TTC17: variants seen among roughly 807,000 people sequenced by gnomAD.
TTC17 encodes tetratricopeptide repeat protein 17.
In TTC17, 58 loss-of-function variants were observed where a neutral mutation model predicts 143.8. The observed-to-expected ratio is 0.40, with a 90% confidence interval of 0.33 to 0.50. TTC17 has a LOEUF of 0.50. Among genes scored for constraint, TTC17 ranks in the 20% least tolerant of loss-of-function variants. TTC17 has a pLI of 0.49. For missense variants in TTC17, 1,273 were observed against 1,392.5 expected, an observed-to-expected ratio of 0.91 and a Z score of 1.37; for synonymous variants, 501 against 497.8, an observed-to-expected ratio of 1.01 and a Z score of -0.09.
At chr11:43,483,394 A>T (rs1342520909) in intron 21 of TTC17, among the ~76,000 whole-genome samples, 2 of 152,036 alleles carry the variant, frequency 1.3e-5, no homozygotes, top group African/African-American at 4.8e-5. Flanking sequence ...ATATATATTT[A>T]TATATGTTGT....
intron 2 of TTC17, among the ~76,000 whole-genome samples, chr11:43,385,002 G>A (rs767936527): frequency 3.3e-5 from 5 of 152,084 alleles, no homozygotes; most frequent in African/African-American, 7.2e-5. Context: ...ATATAATATC[G>A]TATACTTGTA....
intron 1 of TTC17, chr11:43,370,317 G>A (rs1304761615): frequency 8.3e-6 from 2 of 239,556 alleles, no homozygotes; most frequent in African/African-American, 4.5e-5. Context: ...AAACAGAAGG[G>A]TCTCTTAGAC....
At chr11:43,400,107 T>C in intron 9 of TTC17, 59 bp downstream of exon 9, 1 of 1,544,442 alleles carries the variant, frequency 6.5e-7, no homozygotes, top group Admixed American at 1.9e-5. Context: ...TAGCATGCTT[T>C]ACTATCATAA....
intron 19 of TTC17, chr11:43,448,832 A>ATTGTTTTT (rs1947601889): frequency 6.6e-6 from 1 of 151,946 alleles, no homozygotes. Context: ...TTAAAAAATT[A>ATTGTTTTT]TTGTTTTTTT....
intron 1 of TTC17, chr11:43,370,027 A>G: frequency 2.2e-6 from 1 of 450,624 alleles, no homozygotes; most frequent in Non-Finnish European, 4.4e-6. Context: ...ATCTCATACA[A>G]TGAAATGTTT....
At chr11:43,480,877 C>A (rs1400328553) in intron 21 of TTC17, among the ~76,000 whole-genome samples, 5 of 120,062 alleles carry the variant, frequency 4.2e-5, no homozygotes, top group African/African-American at 9.6e-5. Context: ...AAAATCAATA[C>A]AAGAAAATGC....
chr11:43,446,085 T>G, intron 18 of TTC17: 3 of 1,499,020 alleles, frequency 2.0e-6, no homozygotes, highest in South Asian at 1.3e-5. Context: ...AAATTCAAAC[T>G]TCCTAGTGTG....
chr11:43,462,105 A>G (rs1319719449), intron 21 of TTC17, among the ~76,000 whole-genome samples: 1 of 150,978 alleles, frequency 6.6e-6, no homozygotes, highest in African/African-American at 2.4e-5. Flanking sequence ...AAAAAAAAAA[A>G]CGGCTATATA....
intron 3 of TTC17, among the ~76,000 whole-genome samples, chr11:43,390,111 A>G (rs1180464288): frequency 3.3e-5 from 5 of 152,126 alleles, no homozygotes; most frequent in Admixed American, 1.3e-4. Flanking sequence ...GTTTGAGACA[A>G]GGCTGGGCAA....
chr11:43,486,347 T>TCCC, intron 21 of TTC17: 1 of 420,842 alleles, frequency 2.4e-6, no homozygotes, highest in Non-Finnish European at 4.9e-6. Context: ...GTGTAGAAGC[T>TCCC]CCCTGCCTGT....
rs1947482303 is a variant in TTC17 at position 43,444,001 on chromosome 11, A to G, written c.2512-55A>G. 2.0e-6 allele frequency: 3 copies of G among 1,531,834 alleles called. No individual in the cohort carries two copies. In the East Asian group the frequency reaches 6.8e-5, roughly 35 times the overall value. 94.9% of individuals were successfully genotyped at this position (1,531,834 alleles called of 1,614,324 possible). On this transcript the variant is annotated intron_variant, in intron 17 of 23. Transcript: ENST00000039989. ...ATTCTTAAACTAGTATTCACAAATC[A>G]TTGACAGATTTGATCACTGGTCTCA... is the stretch of plus-strand genomic sequence containing the variant.
At chr11:43,388,904 A>C (rs1335291867) in intron 2 of TTC17, among the ~76,000 whole-genome samples, 2 of 151,064 alleles carry the variant, frequency 1.3e-5, no homozygotes, top group Non-Finnish European at 1.5e-5. Context: ...TGAGCCCTGG[A>C]GTTTGAGGTT....
chr11:43,398,155 G>T (rs372213741), intron 8 of TTC17, 42 bp downstream of exon 8: 5 of 1,608,354 alleles, frequency 3.1e-6, no homozygotes, highest in Non-Finnish European at 4.2e-6. Context: ...TAGCACTATC[G>T]AACCTTAGGT....
At chr11:43,491,992 C>T (rs199553072) in intron 22 of TTC17, 28 bp from the exon 23 acceptor site, 71 of 1,609,742 alleles carry the variant, frequency 4.4e-5, no homozygotes, top group Non-Finnish European at 5.6e-5. Flanking sequence ...CCAATTTTCC[C>T]TTCTCACCAT....
intron 1 of TTC17, among the ~76,000 whole-genome samples, chr11:43,366,712 G>A (rs1408763605): frequency 1.3e-5 from 2 of 152,054 alleles, no homozygotes; most frequent in African/African-American, 2.4e-5. Flanking sequence ...TGGTGGCAGG[G>A]AGGGAGACAG....
At chr11:43,397,579 T>C (rs2134553838) in intron 7 of TTC17, 88 bp downstream of exon 7, 1 of 1,376,672 alleles carries the variant, frequency 7.3e-7, no homozygotes, top group Admixed American at 2.3e-5. Flanking sequence ...AATGTTACTT[T>C]TTTCCATTCC....
chr11:43,391,645 T>C (rs577291089), intron 4 of TTC17, 69 bp downstream of exon 4: 90 of 1,260,090 alleles, frequency 7.1e-5, no homozygotes, highest in Non-Finnish European at 9.0e-5. Flanking sequence ...CTCTCACTTA[T>C]AAAGACCATT....
chr11:43,433,421 C>T (rs1321460154), intron 16 of TTC17, among the ~76,000 whole-genome samples: 5 of 152,088 alleles, frequency 3.3e-5, no homozygotes, highest in Non-Finnish European at 7.4e-5. Context: ...TAACATAAAC[C>T]TCTTACTCTT....
At chr11:43,411,704 A>T (rs537660799) in intron 15 of TTC17, among the ~76,000 whole-genome samples, 2 of 152,312 alleles carry the variant, frequency 1.3e-5, no homozygotes, top group African/African-American at 4.8e-5. Flanking sequence ...TCATTTTGTC[A>T]TAGGGATAAT....
Sources: gnomAD v4.1 joint callset for allele counts (sites outside exome capture counted in the v4.1 genomes callset) on GRCh38, gnomAD v4.1.1 for gene constraint, MANE v1.5 for transcripts, NCBI Gene and HGNC (gene_info 2026-07-23, HGNC 2026-07-21) for gene names.